Variants in RPS25 observed in about 807,000 individuals in gnomAD.
The protein encoded by RPS25 is small ribosomal subunit protein eS25.
Under a neutral mutation model 14.4 loss-of-function variants are expected in RPS25, and 1 was observed. That is an observed-to-expected ratio of 0.07 (90% confidence interval 0.02 to 0.33). The LOEUF is 0.33. Among genes scored for constraint, RPS25 ranks in the 10% least tolerant of loss-of-function variants. RPS25 has a pLI of 1.00. For missense variants in RPS25, 65 were observed against 144.6 expected, an observed-to-expected ratio of 0.45 and a Z score of 2.82; for synonymous variants, 63 against 53.8, an observed-to-expected ratio of 1.17 and a Z score of -0.75.
At chr11:119,017,858 A>G (rs150146314) in intron 2 of RPS25, 100 bp downstream of exon 2, 59 of 922,168 alleles carry the variant, frequency 6.4e-5, no homozygotes, top group Admixed American at 9.9e-5. Context: ...TTGACTCTAG[A>G]AATCTACACC....
At chr11:119,016,113 C>T (rs1943149608) in intron 3 of RPS25, among the ~76,000 whole-genome samples, 174 bp from the exon 4 acceptor site, 1 of 152,126 alleles carries the variant, frequency 6.6e-6, no homozygotes, top group Admixed American at 6.5e-5. Context: ...CAAGGTGAAA[C>T]CCCATCTCTA....
rs782359276 is a variant in RPS25 at position 119,015,942 on chromosome 11, AGG to A, written c.284-5_284-4del. The A allele has an allele frequency of 6.4e-7, 1 of 1,565,532 alleles. No individual in the cohort carries two copies. Among genetic ancestry groups the A allele is most frequent in the Non-Finnish European group, 8.8e-7 (1 of 1,136,062 alleles). On this transcript the variant is annotated splice_polypyrimidine_tract_variant and splice_region_variant and intron_variant, in intron 3 of 4. Coordinates refer to ENST00000527673, the MANE Select transcript of RPS25 (RefSeq NM_001028.3). ...CTTTGAAACCAGTTTGATAAGTCCTAGGGGGAGAGAATAGCACGATGAGATGC... is the reference window on the plus strand; with the variant it reads ...CTTTGAAACCAGTTTGATAAGTCCTAGGGAGAGAATAGCACGATGAGATGC...
chr11:119,016,291 G>GT (rs1943154433), intron 3 of RPS25, among the ~76,000 whole-genome samples: 1 of 152,108 alleles, frequency 6.6e-6, no homozygotes, highest in African/African-American at 2.4e-5. Context: ...AGTAAGGTTT[G>GT]TTTTGGCCGG....
rs1272738893 is a variant in RPS25 at position 119,017,375 on chromosome 11, C to T, written c.270G>A (p.Glu90=). ...RGSLARAALQ[E]LLSKGLIKLV... ...TACACCCCTCACCTTTACTAAGGAGCTCCTGAAGGGCTGCCCTGGCCAGGG... is the reference window on the plus strand; with the variant it reads ...TACACCCCTCACCTTTACTAAGGAGTTCCTGAAGGGCTGCCCTGGCCAGGG... Residue 90 remains glutamate, a synonymous_variant, in exon 3 of 5, where the codon GAG becomes GAA. Transcript: ENST00000527673. 2 of 1,613,214 alleles carry T rather than the reference C, an allele frequency of 1.2e-6. No individual in the cohort carries two copies. Among genetic ancestry groups the T allele is most frequent in the East Asian group, 4.5e-5 (2 of 44,888 alleles).
In RPS25 at chr11:119,018,192, C is replaced by T. The variant is rs1943213040; in HGVS notation, c.3+90G>A. 3.1e-6 allele frequency: 5 copies of T among 1,600,128 alleles called. No homozygotes were observed. The Admixed American group carries it at 5.0e-5, about 16-fold the overall frequency. ...ACCGCGCCCGCCCTGCAACCGAGGC[C>T]GGCAGGCCAAGGAGCGCTCCCGCCG... is the stretch of plus-strand genomic sequence containing the variant. On this transcript the variant is annotated intron_variant, in intron 1 of 4. Coordinates refer to ENST00000527673, the MANE Select transcript of RPS25 (RefSeq NM_001028.3).
intron 1 of RPS25, 65 bp downstream of exon 1, chr11:119,018,217 G>A (rs1241293666): frequency 1.2e-6 from 2 of 1,612,180 alleles, no homozygotes; most frequent in African/African-American, 2.7e-5. Context: ...CGCTCCCGCC[G>A]AAGGCTCTCC....
intron 3 of RPS25, among the ~76,000 whole-genome samples, chr11:119,016,950 A>G (rs996057764): frequency 6.6e-6 from 1 of 152,230 alleles, no homozygotes; most frequent in Non-Finnish European, 1.5e-5. Flanking sequence ...AATTATGGTA[A>G]TCAGACCATA....
rs75423227 is a variant in RPS25, at chr11:119,018,334, G to T, written c.-50C>A. On this transcript the variant is annotated 5_prime_UTR_variant, in exon 1 of 5. Coordinates refer to ENST00000527673, the MANE Select transcript of RPS25 (RefSeq NM_001028.3). ...GACACCGCAGCCTCGTCAAGATGTC[G>T]GACAAAAAGGAAGCGCTGCTCAGAA... 6.8e-4 allele frequency: 1,100 copies of T among 1,613,598 alleles called. No individual in the cohort carries two copies. The highest frequency in any genetic ancestry group is 8.8e-4 in the Admixed American group (53 of 59,974).
Position 119,015,749 on chromosome 11 carries a change from C to A in RPS25, c.*14G>T. On this transcript the variant is annotated 3_prime_UTR_variant, in exon 5 of 5. Transcript: ENST00000527673. Reference sequence around the variant, plus strand: ...AAGTTTTATTTTTCCAAATGTACAGCTGGTTGGACCTGTAAAAAAAAATTA... The same window carrying A: ...AAGTTTTATTTTTCCAAATGTACAGATGGTTGGACCTGTAAAAAAAAATTA... 8.2e-7 allele frequency: 1 copy of A among 1,223,282 alleles called. No individual in the cohort carries two copies. The highest frequency in any genetic ancestry group is 1.2e-6 in the Non-Finnish European group (1 of 843,530). 75.8% of individuals were successfully genotyped at this position (1,223,282 alleles called of 1,614,324 possible).
At chr11:119,016,488 T>C (rs1253864358) in intron 3 of RPS25, among the ~76,000 whole-genome samples, 2 of 152,160 alleles carry the variant, frequency 1.3e-5, no homozygotes, top group African/African-American at 4.8e-5. Context: ...TCCTCCTGCT[T>C]TGGCCTCCCA....
Position 119,018,068 on chromosome 11 carries a change from C to T in RPS25, c.4-15G>A, listed in dbSNP as rs1202434818. 3.7e-6 allele frequency: 6 copies of T among 1,610,784 alleles called. No individual in the cohort carries two copies. Among genetic ancestry groups the T allele is most frequent in the South Asian group, 2.2e-5 (2 of 90,960 alleles). ...TCCTTAGGCGGCTGTAGGAGGGCAG[C>T]GGGAATGCAACCAGGTCCTCAAATA... On this transcript the variant is annotated splice_polypyrimidine_tract_variant and intron_variant, in intron 1 of 4. Transcript: ENST00000527673.
At chr11:119,017,888 C>T in intron 2 of RPS25, 70 bp downstream of exon 2, 1 of 1,245,770 alleles carries the variant, frequency 8.0e-7, no homozygotes, top group Non-Finnish European at 1.2e-6. Flanking sequence ...ACTTACTATA[C>T]AAGTTACCTA....
chr11:119,016,967 A>C (rs1943176776), intron 3 of RPS25, among the ~76,000 whole-genome samples: 1 of 152,144 alleles, frequency 6.6e-6, no homozygotes, highest in Non-Finnish European at 1.5e-5. Flanking sequence ...CATACTACTG[A>C]GTAGACCGTA....
At position 119,015,782 on chromosome 11, in the gene RPS25, C is replaced by G. The variant is rs554160175; in HGVS notation, c.*5-24G>C. 82 of 1,347,620 alleles carry G rather than the reference C, an allele frequency of 6.1e-5. No homozygotes were observed. The South Asian group carries it at 9.3e-4, about 15-fold the overall frequency. 83.5% of individuals were successfully genotyped at this position (1,347,620 alleles called of 1,614,324 possible). ...ACCTGTAAAAAAAAATTAAAAGAAT[C>G]AGAACCATAAAGCTTTGTATCTACC... On this transcript the variant is annotated intron_variant, in intron 4 of 4. Transcript: ENST00000527673.
intron 3 of RPS25, 77 bp from the exon 4 acceptor site, chr11:119,016,016 G>T (rs117207459): frequency 3.4e-6 from 3 of 882,958 alleles, no homozygotes; most frequent in Admixed American, 1.8e-5. Context: ...GGCTGGGCGC[G>T]GTGGCTCATG....
Position 119,018,339 on chromosome 11 carries a change from A to G in RPS25, c.-55T>C. Reference sequence around the variant, plus strand: ...CGCAGCCTCGTCAAGATGTCGGACAAAAAGGAAGCGCTGCTCAGAAACGGG... The same window carrying G: ...CGCAGCCTCGTCAAGATGTCGGACAGAAAGGAAGCGCTGCTCAGAAACGGG... On this transcript the variant is annotated 5_prime_UTR_variant, in exon 1 of 5. Transcript: ENST00000527673. 1 of 1,613,624 alleles carries G rather than the reference A, an allele frequency of 6.2e-7. No individual in the cohort carries two copies. Among genetic ancestry groups the G allele is most frequent in the Middle Eastern group, 1.6e-4 (1 of 6,062 alleles).
chr11:119,017,672 AAAAAC>A, intron 2 of RPS25, 127 bp from the exon 3 acceptor site: 1 of 892,750 alleles, frequency 1.1e-6, no homozygotes, highest in Non-Finnish European at 1.7e-6. Flanking sequence ...TTACTAAAAC[AAAAAC>A]AAAAAAAAAA....
At chr11:119,017,285 G>A (rs952376664) in intron 3 of RPS25, 77 bp downstream of exon 3, 4 of 1,117,998 alleles carry the variant, frequency 3.6e-6, no homozygotes, top group African/African-American at 1.6e-5. Flanking sequence ...TGCTTTTCCA[G>A]CAAAACCACT....
Position 119,017,547 on chromosome 11 carries a change from T to G in RPS25, c.100-2A>C. 6.2e-7 allele frequency: 1 copy of G among 1,612,264 alleles called. No homozygotes were observed. The highest frequency in any genetic ancestry group is 8.5e-7 in the Non-Finnish European group (1 of 1,178,806). ...CCGAACTTTGCCTTTGGACCACTTC[T>G]GCTCACCAAAACAAAACAGAAACAA... On this transcript the variant is annotated splice_acceptor_variant, in intron 2 of 4. Coordinates refer to ENST00000527673, the MANE Select transcript of RPS25 (RefSeq NM_001028.3). LOFTEE classifies it high-confidence loss of function.
Sources: allele counts gnomAD v4.1 joint callset (sites outside exome capture counted in the v4.1 genomes callset), GRCh38; gene constraint gnomAD v4.1.1; transcripts MANE v1.5; gene names NCBI Gene and HGNC (gene_info 2026-07-23, HGNC 2026-07-21).